PTPRD: variants seen among roughly 807,000 people sequenced by gnomAD.
The protein encoded by PTPRD is protein tyrosine phosphatase receptor type D.
Under a neutral mutation model 214.5 loss-of-function variants are expected in PTPRD, and 34 were observed. The observed-to-expected ratio is 0.16, with a 90% CI of 0.12 to 0.21. PTPRD has a LOEUF of 0.21. PTPRD is among the 10% of genes least tolerant of loss of function. The pLI is 1.00. For synonymous variants in PTPRD, 1,128 were observed against 845.7 expected, an observed-to-expected ratio of 1.33 and a Z score of -5.79; for missense variants, 2,545 against 2,398.7, an observed-to-expected ratio of 1.06 and a Z score of -1.27.
intron 7 of PTPRD, among the ~76,000 whole-genome samples, chr9:9,638,014 G>A (rs1174670404): frequency 3.3e-5 from 5 of 152,092 alleles, no homozygotes; most frequent in Non-Finnish European, 5.9e-5. Flanking sequence ...GGCATTCTGG[G>A]CCTGTATAGG....
chr9:10,300,285 G>A (rs2095821187), intron 3 of PTPRD, among the ~76,000 whole-genome samples: 3 of 152,132 alleles, frequency 2.0e-5, no homozygotes, highest in Admixed American at 2.0e-4. Flanking sequence ...GATTCCCTCT[G>A]GTGCCTATGC....
chr9:9,998,546 T>C (rs1297331737), intron 4 of PTPRD, among the ~76,000 whole-genome samples: 5 of 114,184 alleles, frequency 4.4e-5, no homozygotes, highest in African/African-American at 6.9e-5. Context: ...ATTATCATGA[T>C]AGCTCTACTA....
chr9:8,699,130 T>A (rs1296461129), intron 12 of PTPRD, among the ~76,000 whole-genome samples: 1 of 152,216 alleles, frequency 6.6e-6, no homozygotes, highest in Non-Finnish European at 1.5e-5. Flanking sequence ...GAATTTATGA[T>A]CCTTTGAGTA....
chr9:9,359,931 TC>T (rs1231641641), intron 9 of PTPRD, among the ~76,000 whole-genome samples: 2 of 151,328 alleles, frequency 1.3e-5, no homozygotes, highest in African/African-American at 4.8e-5. Flanking sequence ...GAATTCCATT[TC>T]AACACAACAT....
intron 11 of PTPRD, among the ~76,000 whole-genome samples, chr9:8,785,183 T>C (rs1599708639): frequency 6.6e-6 from 1 of 151,998 alleles, no homozygotes; most frequent in African/African-American, 2.4e-5. Flanking sequence ...AGAAATTTGG[T>C]AAGAGGGAAC....
chr9:8,837,226 G>A (rs1194659966), intron 11 of PTPRD, among the ~76,000 whole-genome samples: 1 of 151,508 alleles, frequency 6.6e-6, no homozygotes, highest in Non-Finnish European at 1.5e-5. Context: ...TGTTGCCTAG[G>A]CTGGTCTCAA....
intron 4 of PTPRD, among the ~76,000 whole-genome samples, chr9:10,013,184 T>A (rs907677582): frequency 1.3e-5 from 2 of 151,854 alleles, no homozygotes; most frequent in African/African-American, 2.4e-5. Flanking sequence ...TGTAAAAGAA[T>A]AAAAGCCTTC....
At chr9:8,649,214 G>C (rs1175343628) in intron 12 of PTPRD, among the ~76,000 whole-genome samples, 1 of 152,172 alleles carries the variant, frequency 6.6e-6, no homozygotes, top group Non-Finnish European at 1.5e-5. Flanking sequence ...AACTGTACTA[G>C]CTTCACTTTA....
chr9:8,499,568 AAAAT>A, intron 25 of PTPRD, 75 bp downstream of exon 25: 1 of 1,474,228 alleles, frequency 6.8e-7, no homozygotes, highest in South Asian at 1.3e-5. Context: ...TCGAAAAACT[AAAAT>A]AAGAGCAATT....
intron 2 of PTPRD, among the ~76,000 whole-genome samples, chr9:10,425,958 T>C (rs1189840311): frequency 6.6e-6 from 1 of 151,930 alleles, no homozygotes; most frequent in African/African-American, 2.4e-5. Flanking sequence ...CAAGAATATA[T>C]ACATATACAC....
chr9:9,525,609 T>A (rs75417309), intron 8 of PTPRD, among the ~76,000 whole-genome samples: 164 of 149,940 alleles, frequency 1.1e-3, no homozygotes, highest in Non-Finnish European at 1.7e-3. Context: ...TGTTAAATAA[T>A]TTTTTTTTTC....
At chr9:8,607,830 T>C (rs2095292314) in intron 14 of PTPRD, among the ~76,000 whole-genome samples, 1 of 152,124 alleles carries the variant, frequency 6.6e-6, no homozygotes, top group Non-Finnish European at 1.5e-5. Flanking sequence ...TTATTGCAAA[T>C]CTAGGATATA....
chr9:8,730,826 GA>G (rs1565628212), intron 12 of PTPRD, among the ~76,000 whole-genome samples: 1 of 152,104 alleles, frequency 6.6e-6, no homozygotes, highest in Non-Finnish European at 1.5e-5. Context: ...CCCTGAAGAA[GA>G]GCTTACTCAT....
In PTPRD at chr9:9,010,809, G is replaced by C. The variant is rs566971478; in HGVS notation, c.-104+7888C>G. 1.6e-3 allele frequency among the ~76,000 whole-genome samples: 247 copies of C among 152,230 alleles called. 1 individual carries two copies. The highest frequency in any genetic ancestry group is 5.4e-3 in the African/African-American group (225 of 41,558). On this transcript the variant is annotated intron_variant, in intron 11 of 45. Transcript: ENST00000381196. ...TGCCATCAGTTGCTGACAAGATCTTGGGTGATAAACATGCACTGGATTGTC... is the reference window on the plus strand; with the variant it reads ...TGCCATCAGTTGCTGACAAGATCTTCGGTGATAAACATGCACTGGATTGTC...
intron 14 of PTPRD, among the ~76,000 whole-genome samples, chr9:8,543,588 T>C (rs963144834): frequency 6.6e-6 from 1 of 152,254 alleles, no homozygotes; most frequent in Non-Finnish European, 1.5e-5. Context: ...GCTTTGTATA[T>C]TATACACGAC....
chr9:8,432,091 C>G (rs1031980379), intron 35 of PTPRD, among the ~76,000 whole-genome samples: 3 of 152,096 alleles, frequency 2.0e-5, no homozygotes, highest in South Asian at 4.1e-4. Context: ...TAGGCGCCAG[C>G]CTAAGATTTT....
At chr9:8,554,989 CTA>C (rs35085771) in intron 14 of PTPRD, among the ~76,000 whole-genome samples, 19,768 of 151,942 alleles carry the variant, frequency 0.13, 3,840 homozygotes, top group African/African-American at 0.43. Flanking sequence ...TATATATACA[CTA>C]TATATATAAA....
chr9:8,713,384 C>A (rs1192912979), intron 12 of PTPRD: 3 of 1,073,810 alleles, frequency 2.8e-6, no homozygotes. Context: ...TGCCACACAC[C>A]GCCCCTCTAC....
chr9:9,281,475 GC>G (rs1168553878), intron 9 of PTPRD, among the ~76,000 whole-genome samples: 1 of 151,306 alleles, frequency 6.6e-6, no homozygotes, highest in African/African-American at 2.4e-5. Context: ...CATGAAGATA[GC>G]TAATAGATAT....
Sources: allele counts gnomAD v4.1 joint callset (sites outside exome capture counted in the v4.1 genomes callset), GRCh38; gene constraint gnomAD v4.1.1; transcripts MANE v1.5; gene names NCBI Gene and HGNC (gene_info 2026-07-23, HGNC 2026-07-21).